ARHGAP15: variants seen among roughly 807,000 people sequenced by gnomAD.
ARHGAP15 encodes the protein Rho GTPase activating protein 15.
ARHGAP15 carries 51 observed loss-of-function variants against 63.7 expected under a neutral mutation model. The ratio of observed to expected loss-of-function variants is 0.80; its 90% CI spans 0.64 to 1.01. ARHGAP15 has a LOEUF of 1.01. Among genes scored for constraint, ARHGAP15 ranks in the 50% least tolerant of loss-of-function variants. ARHGAP15 has a pLI of 0.00. For missense variants in ARHGAP15, 560 were observed against 564.6 expected, an observed-to-expected ratio of 0.99 and a Z score of 0.08; for synonymous variants, 191 against 193.8, an observed-to-expected ratio of 0.99 and a Z score of 0.12.
At chr2:143,180,349 A>C (rs1691184939) in intron 2 of ARHGAP15, among the ~76,000 whole-genome samples, 1 of 152,196 alleles carries the variant, frequency 6.6e-6, no homozygotes, top group Admixed American at 6.5e-5. Flanking sequence ...CTTCTCATTA[A>C]AATTTTATCA....
At chr2:143,452,562 C>T (rs1690452745) in intron 8 of ARHGAP15, among the ~76,000 whole-genome samples, 1 of 151,758 alleles carries the variant, frequency 6.6e-6, no homozygotes, top group Non-Finnish European at 1.5e-5. Context: ...GCCAGATAAA[C>T]AGTTTAAGGA....
chr2:143,170,698 G>C (rs147386154), intron 2 of ARHGAP15, among the ~76,000 whole-genome samples: 39 of 152,190 alleles, frequency 2.6e-4, no homozygotes, highest in African/African-American at 8.9e-4. Flanking sequence ...CCCCTGCCTA[G>C]TTTTCTCTGA....
At position 143,687,113 on chromosome 2, in the gene ARHGAP15, A is replaced by T. The variant is rs554577695; in HGVS notation, c.1139-16306A>T. Reference sequence around the variant, plus strand: ...TTTAGGGATATGAATCAGCTGGGTAACTATCTTATTTCTCTACTTTTCTCT... The same window carrying T: ...TTTAGGGATATGAATCAGCTGGGTATCTATCTTATTTCTCTACTTTTCTCT... On this transcript the variant is annotated intron_variant, in intron 12 of 13. Transcript: ENST00000295095. Among the ~76,000 whole-genome samples, 3 of 152,306 alleles carry T rather than the reference A, an allele frequency of 2.0e-5. No homozygotes were observed. In the South Asian group the frequency reaches 6.2e-4, roughly 32 times the overall value.
chr2:143,228,613 C>G lies in ARHGAP15; in HGVS notation c.329C>G (p.Ser110Cys). The G allele has an allele frequency of 1.2e-6, 2 of 1,608,844 alleles. No individual in the cohort carries two copies. The highest frequency in any genetic ancestry group is 1.7e-6 in the Non-Finnish European group (2 of 1,177,676). The part of the protein sequence containing the change: ...KNWSTSWIVL[S>C]SRRIEFYKES... ...TGGTCTACTTCCTGGATTGTTCTTT[C>G]TAGTCGAAGAATTGAATTTTACAAA... The change falls in exon 5 of 14, where the codon TCT becomes TGT. Residue 110 changes from serine to cysteine, a missense_variant. By Grantham distance (112) the Ser-to-Cys change is moderately radical. Transcript: ENST00000295095.
At chr2:143,608,261 A>AT in intron 11 of ARHGAP15, 1 of 152,280 alleles carries the variant, frequency 6.6e-6, no homozygotes, top group Admixed American at 6.5e-5. Flanking sequence ...AGCTTTGGGG[A>AT]TTTTGTTGCT....
At chr2:143,488,527 G>A (rs538607446) in intron 9 of ARHGAP15, among the ~76,000 whole-genome samples, 3 of 152,282 alleles carry the variant, frequency 2.0e-5, no homozygotes, top group African/African-American at 4.8e-5. Context: ...AAAATTAAAT[G>A]TAAGAAAGAA....
chr2:143,254,725 C>A (rs139630935), intron 6 of ARHGAP15, among the ~76,000 whole-genome samples: 2 of 151,972 alleles, frequency 1.3e-5, no homozygotes, highest in Non-Finnish European at 1.5e-5. Flanking sequence ...TCTTGTCTCC[C>A]CAAAGAAAAT....
chr2:143,254,618 T>G (rs556163374), intron 6 of ARHGAP15, among the ~76,000 whole-genome samples: 6 of 152,032 alleles, frequency 3.9e-5, no homozygotes, highest in Admixed American at 2.0e-4. Flanking sequence ...ACCCCCTTAT[T>G]AAATATGTGA....
intron 11 of ARHGAP15, among the ~76,000 whole-genome samples, chr2:143,572,886 C>G (rs1206789240): frequency 6.6e-6 from 1 of 151,928 alleles, no homozygotes; most frequent in Non-Finnish European, 1.5e-5. Context: ...TATTGAGAAC[C>G]ATGCAAAGCA....
At chr2:143,185,852 C>T (rs1691426584) in intron 2 of ARHGAP15, among the ~76,000 whole-genome samples, 2 of 152,146 alleles carry the variant, frequency 1.3e-5, no homozygotes, top group Non-Finnish European at 2.9e-5. Context: ...ATTAGTTTCA[C>T]CAAGTGCTTC....
chr2:143,248,568 C>G (rs1694142952), intron 5 of ARHGAP15, among the ~76,000 whole-genome samples: 1 of 152,182 alleles, frequency 6.6e-6, no homozygotes, highest in African/African-American at 2.4e-5. Flanking sequence ...ATTTACCTAA[C>G]TATTCTGGCA....
chr2:143,266,640 A>G (rs932786727), intron 6 of ARHGAP15, among the ~76,000 whole-genome samples: 5 of 152,146 alleles, frequency 3.3e-5, no homozygotes, highest in African/African-American at 1.2e-4. Context: ...AATGACTCCA[A>G]TCTGATTTAG....
At chr2:143,670,564 G>A (rs1271071327) in intron 12 of ARHGAP15, among the ~76,000 whole-genome samples, 1 of 152,182 alleles carries the variant, frequency 6.6e-6, no homozygotes, top group Non-Finnish European at 1.5e-5. Flanking sequence ...ATAGGTCACT[G>A]GAGACCAGAA....
intron 13 of ARHGAP15, among the ~76,000 whole-genome samples, chr2:143,708,916 C>T (rs1684449931): frequency 6.6e-6 from 1 of 152,052 alleles, no homozygotes; most frequent in Admixed American, 6.6e-5. Context: ...TACTCTGTGT[C>T]CCAGTCACCA....
At chr2:143,592,709 C>T (rs527849220) in intron 11 of ARHGAP15, among the ~76,000 whole-genome samples, 28 of 152,164 alleles carry the variant, frequency 1.8e-4, no homozygotes, top group African/African-American at 5.6e-4. Flanking sequence ...ACAAGGGGCC[C>T]TTGGACACTT....
chr2:143,168,368 G>A (rs1298381471), intron 2 of ARHGAP15, among the ~76,000 whole-genome samples: 5 of 151,970 alleles, frequency 3.3e-5, no homozygotes, highest in Admixed American at 1.3e-4. Context: ...TTGTAGAAAC[G>A]GGGTCTTGCT....
chr2:143,624,490 C>T (rs905355796), intron 12 of ARHGAP15, among the ~76,000 whole-genome samples: 5 of 152,036 alleles, frequency 3.3e-5, no homozygotes, highest in Non-Finnish European at 7.3e-5. Flanking sequence ...AAAAATATGA[C>T]ATCCTATTTA....
chr2:143,762,372 C>T (rs1417704335), intron 13 of ARHGAP15, among the ~76,000 whole-genome samples: 1 of 152,062 alleles, frequency 6.6e-6, no homozygotes, highest in East Asian at 1.9e-4. Flanking sequence ...TCTTTCATTT[C>T]TTTGCTAAAA....
chr2:143,697,107 C>G (rs562626565), intron 12 of ARHGAP15, among the ~76,000 whole-genome samples: 1 of 152,258 alleles, frequency 6.6e-6, no homozygotes, highest in East Asian at 1.9e-4. Flanking sequence ...TGCAATGACA[C>G]TTCTATTTAT....
Sources: allele counts gnomAD v4.1 joint callset (sites outside exome capture counted in the v4.1 genomes callset), GRCh38; gene constraint gnomAD v4.1.1; transcripts MANE v1.5; gene names NCBI Gene and HGNC (gene_info 2026-07-23, HGNC 2026-07-21).